Variants in SUGCT observed in about 807,000 individuals in gnomAD.
The protein encoded by SUGCT is succinyl-CoA:glutarate-CoA transferase, also known as succinyl-CoA:glutarate CoA-transferase.
A neutral mutation model predicts 55.0 loss-of-function variants in SUGCT; 41 were observed. The observed-to-expected ratio is 0.74, with a 90% CI of 0.58 to 0.97. The LOEUF (loss-of-function observed/expected upper bound fraction) is 0.97, where lower values mean the gene tolerates loss of function less well. SUGCT is among the 50% of genes least tolerant of loss of function. SUGCT has a pLI of 0.00. For synonymous variants in SUGCT, 187 were observed against 200.4 expected (o/e 0.93, Z 0.56); for missense variants, 568 against 547.8 (o/e 1.04, Z -0.37).
intron 12 of SUGCT, among the ~76,000 whole-genome samples, chr7:40,610,361 A>G (rs1359840593): frequency 6.6e-6 from 1 of 152,200 alleles, no homozygotes; most frequent in Non-Finnish European, 1.5e-5. Context: ...GACTACCAGG[A>G]AGCTTAAAAC....
At chr7:40,388,133 T>C (rs1022023186) in intron 9 of SUGCT, 12 of 152,138 alleles carry the variant, frequency 7.9e-5, no homozygotes, top group African/African-American at 2.9e-4. Context: ...CTAATAAACA[T>C]TACCACAATG....
At chr7:40,854,253 T>G (rs1039990449) in intron 13 of SUGCT, among the ~76,000 whole-genome samples, 4 of 152,218 alleles carry the variant, frequency 2.6e-5, no homozygotes, top group Admixed American at 2.6e-4. Context: ...ATTAAGGCTT[T>G]TTGTCTTCTT....
chr7:40,762,872 G>A (rs1003099374), intron 13 of SUGCT, among the ~76,000 whole-genome samples: 2 of 151,778 alleles, frequency 1.3e-5, no homozygotes, highest in Admixed American at 6.6e-5. Flanking sequence ...CAGTGCACTG[G>A]CATGATCTCA....
At chr7:40,725,906 A>G (rs1786590157) in intron 12 of SUGCT, among the ~76,000 whole-genome samples, 1 of 152,082 alleles carries the variant, frequency 6.6e-6, no homozygotes, top group African/African-American at 2.4e-5. Flanking sequence ...AAGTGAGTAA[A>G]GAACTTTATA....
At chr7:40,624,320 GTTA>G (rs1799414639) in intron 12 of SUGCT, among the ~76,000 whole-genome samples, 1 of 152,098 alleles carries the variant, frequency 6.6e-6, no homozygotes. Flanking sequence ...ATATCTATAT[GTTA>G]TTATTTCTGT....
chr7:40,762,248 TGAG>T (rs1456226104), intron 13 of SUGCT, among the ~76,000 whole-genome samples: 1 of 152,196 alleles, frequency 6.6e-6, no homozygotes, highest in Non-Finnish European at 1.5e-5. Context: ...TAAAGCTGCA[TGAG>T]GAGAATTCTG....
chr7:40,639,084 A>G (rs904665836), intron 12 of SUGCT, among the ~76,000 whole-genome samples: 2 of 152,192 alleles, frequency 1.3e-5, no homozygotes, highest in African/African-American at 4.8e-5. Flanking sequence ...CTCAGCAAAT[A>G]GTTTTCTGTG....
At chr7:40,513,514 C>T (rs1388951678) in intron 12 of SUGCT, among the ~76,000 whole-genome samples, 1 of 152,076 alleles carries the variant, frequency 6.6e-6, no homozygotes, top group Non-Finnish European at 1.5e-5. Flanking sequence ...CTGAGAGCTC[C>T]ATTTCACTTA....
At chr7:40,180,538 G>A (rs1486573098) in intron 1 of SUGCT, among the ~76,000 whole-genome samples, 1 of 151,170 alleles carries the variant, frequency 6.6e-6, no homozygotes, top group Non-Finnish European at 1.5e-5. Flanking sequence ...CGCCCAGGCT[G>A]GAGTGCAGCG....
intron 12 of SUGCT, among the ~76,000 whole-genome samples, chr7:40,695,030 C>T (rs769682216): frequency 2.6e-5 from 4 of 152,092 alleles, no homozygotes; most frequent in African/African-American, 9.7e-5. Flanking sequence ...AGGATGAGTG[C>T]TTATGGGGCA....
intron 12 of SUGCT, among the ~76,000 whole-genome samples, chr7:40,594,204 T>C (rs183437598): frequency 0.011 from 1,665 of 152,078 alleles, 15 homozygotes; most frequent in Non-Finnish European, 0.019. Context: ...AGGGATAGCA[T>C]TGGGAGAGAT....
At chr7:40,913,846 T>A in the SUGCT span, among the ~76,000 whole-genome samples, 1 of 152,212 alleles carries the variant, frequency 6.6e-6, no homozygotes, top group African/African-American at 2.4e-5. Context: ...ATGCACAAGC[T>A]CATGGAAGAC....
chr7:40,904,609 T>C, the SUGCT span, among the ~76,000 whole-genome samples: 84 of 152,220 alleles, frequency 5.5e-4, no homozygotes, highest in East Asian at 0.015. Flanking sequence ...ATGAAAATCT[T>C]CTGGAGATGG....
chr7:40,632,463 T>C (rs1045388790), intron 12 of SUGCT, among the ~76,000 whole-genome samples: 9 of 149,954 alleles, frequency 6.0e-5, no homozygotes, highest in Non-Finnish European at 1.2e-4. Context: ...CATTTTTATT[T>C]TTTAGTCCAT....
chr7:40,792,809 C>CCTTG, intron 13 of SUGCT, among the ~76,000 whole-genome samples: 1 of 152,214 alleles, frequency 6.6e-6, no homozygotes, highest in Middle Eastern at 3.4e-3. Flanking sequence ...GAATCAGGTA[C>CCTTG]TGGGCCTTTG....
chr7:40,863,713 C>G (rs1311663003), downstream of SUGCT, among the ~76,000 whole-genome samples: 3 of 152,242 alleles, frequency 2.0e-5, no homozygotes, highest in South Asian at 6.2e-4. Context: ...CTTGCATTTG[C>G]TTCTGTTCAT....
At chr7:40,489,718 C>T (rs1315641270) in intron 11 of SUGCT, among the ~76,000 whole-genome samples, 1 of 151,928 alleles carries the variant, frequency 6.6e-6, no homozygotes, top group Non-Finnish European at 1.5e-5. Context: ...AAACAAACAA[C>T]AGAACAAAAC....
At chr7:40,293,362 G>A (rs905897531) in intron 8 of SUGCT, among the ~76,000 whole-genome samples, 1 of 152,104 alleles carries the variant, frequency 6.6e-6, no homozygotes, top group Non-Finnish European at 1.5e-5. Flanking sequence ...ATCACCTGTG[G>A]AGTTTTCAGA....
chr7:40,191,839 G>A (rs1785929111), intron 5 of SUGCT, among the ~76,000 whole-genome samples: 1 of 152,262 alleles, frequency 6.6e-6, no homozygotes, highest in East Asian at 1.9e-4. Context: ...GCCAGGCATG[G>A]TGGCTCACGC....
Sources: gnomAD v4.1 joint callset for allele counts (sites outside exome capture counted in the v4.1 genomes callset) on GRCh38, gnomAD v4.1.1 for gene constraint, MANE v1.5 for transcripts, NCBI Gene and HGNC (gene_info 2026-07-23, HGNC 2026-07-21) for gene names.